The following PPP1R13B variants were observed in gnomAD, a reference collection of about 807,000 sequenced individuals.
PPP1R13B encodes the protein protein phosphatase 1 regulatory subunit 13B.
In PPP1R13B, 44 loss-of-function variants were observed where a neutral mutation model predicts 119.8. The ratio of observed to expected loss-of-function variants is 0.37; its 90% CI spans 0.29 to 0.47. The LOEUF (loss-of-function observed/expected upper bound fraction) is 0.47. Ranked by LOEUF, PPP1R13B falls within the 20% of genes least tolerant of loss-of-function variation. PPP1R13B has a pLI of 0.99. For missense variants in PPP1R13B, 1,227 were observed against 1,413.5 expected (o/e 0.87, Z 2.12); for synonymous variants, 542 against 561.5 (o/e 0.97, Z 0.49).
chr14:103,796,456 C>T (rs2085759342), intron 2 of PPP1R13B, among the ~76,000 whole-genome samples: 1 of 152,132 alleles, frequency 6.6e-6, no homozygotes, highest in Admixed American at 6.6e-5. Flanking sequence ...TGGCTAAACT[C>T]AAGCAGACAG....
intron 1 of PPP1R13B, among the ~76,000 whole-genome samples, chr14:103,839,773 C>A: frequency 6.6e-6 from 1 of 152,198 alleles, no homozygotes; most frequent in Non-Finnish European, 1.5e-5. Context: ...GCCACACAGG[C>A]CTACTTTTGT....
chr14:103,793,057 G>A (rs1459753928), intron 2 of PPP1R13B, among the ~76,000 whole-genome samples: 1 of 144,672 alleles, frequency 6.9e-6, no homozygotes, highest in Non-Finnish European at 1.5e-5. Flanking sequence ...GGGCGACAGG[G>A]CGAGACTCTG....
chr14:103,757,789 C>A (rs747778962), intron 4 of PPP1R13B, 38 bp from the exon 5 acceptor site: 2 of 1,551,906 alleles, frequency 1.3e-6, no homozygotes, highest in Non-Finnish European at 1.8e-6. Flanking sequence ...ATAAGTTTAT[C>A]TGCATAATTG....
At chr14:103,746,681 T>C in intron 8 of PPP1R13B, 128 bp from the exon 9 acceptor site, 1 of 743,158 alleles carries the variant, frequency 1.3e-6, no homozygotes, top group Non-Finnish European at 2.1e-6. Context: ...AAGCCTGTCA[T>C]CTGGAAAGAT....
At chr14:103,743,293 A>T (rs1339337568) in intron 9 of PPP1R13B, among the ~76,000 whole-genome samples, 1 of 152,252 alleles carries the variant, frequency 6.6e-6, no homozygotes, top group Non-Finnish European at 1.5e-5. Context: ...AATTATTGAG[A>T]TAAAAATTTC....
At chr14:103,771,129 C>T (rs565231905) in intron 4 of PPP1R13B, among the ~76,000 whole-genome samples, 1 of 152,236 alleles carries the variant, frequency 6.6e-6, no homozygotes, top group East Asian at 1.9e-4. Flanking sequence ...GAAGGAGAGA[C>T]GGCCCCCTAA....
chr14:103,762,942 G>C, intron 4 of PPP1R13B: 1 of 995,808 alleles, frequency 1.0e-6, no homozygotes, highest in East Asian at 2.6e-5. Context: ...CCCGTCTACA[G>C]TATCTGCTAA....
intron 1 of PPP1R13B, among the ~76,000 whole-genome samples, chr14:103,834,091 C>A (rs1452383376): frequency 6.6e-6 from 1 of 152,140 alleles, no homozygotes; most frequent in Non-Finnish European, 1.5e-5. Flanking sequence ...CAAAGAGGAA[C>A]TGGCTGGGCG....
At chr14:103,796,627 T>C (rs1595785918) in intron 2 of PPP1R13B, among the ~76,000 whole-genome samples, 1 of 152,172 alleles carries the variant, frequency 6.6e-6, no homozygotes, top group African/African-American at 2.4e-5. Context: ...CCTAGGTTTA[T>C]ACTACTAAGA....
At chr14:103,780,763 T>C (rs563980027) in intron 3 of PPP1R13B, among the ~76,000 whole-genome samples, 14 of 150,384 alleles carry the variant, frequency 9.3e-5, no homozygotes, top group African/African-American at 2.9e-4. Flanking sequence ...GCAGCCAAGA[T>C]TGCGCCACTG....
In PPP1R13B at chr14:103,736,400, C is replaced by T. The variant is rs1370369934; in HGVS notation, c.3032-198G>A. 5 of 610,240 alleles carry T rather than the reference C, an allele frequency of 8.2e-6. No individual in the cohort carries two copies. The Admixed American group carries it at 1.4e-4, about 18-fold the overall frequency. The allele number at this position is 610,240 out of a possible 1,614,324, so 37.8% of individuals were successfully genotyped here. On this transcript the variant is annotated intron_variant, in intron 15 of 16. Transcript: ENST00000202556. Reference sequence around the variant, plus strand: ...TCCCCTGCCCGGCCCAGCTGCTGCTCCTGCTGCCGGCCCTTTCTAAGTCCT... The same window carrying T: ...TCCCCTGCCCGGCCCAGCTGCTGCTTCTGCTGCCGGCCCTTTCTAAGTCCT...
At chr14:103,754,982 CTG>C (rs1254241786) in intron 5 of PPP1R13B, among the ~76,000 whole-genome samples, 1 of 152,150 alleles carries the variant, frequency 6.6e-6, no homozygotes, top group African/African-American at 2.4e-5. Context: ...CAGGGTTTCA[CTG>C]TGTTAGCCAG....
rs1348801779 is a variant in PPP1R13B, at chr14:103,734,440, G to T, written c.*714C>A. ...CACTGAGCAGCATGACAGGCTGTGA[G>T]ATCGGAGGAGAAGAGTATATGCTGA... On this transcript the variant is annotated 3_prime_UTR_variant, in exon 17 of 17. Coordinates refer to ENST00000202556, the MANE Select transcript of PPP1R13B (RefSeq NM_015316.3). The T allele has an allele frequency of 1.8e-5, 8 of 443,032 alleles. No individual in the cohort carries two copies. Among genetic ancestry groups the T allele is most frequent in the Non-Finnish European group, 3.7e-5 (8 of 218,912 alleles). The allele number at this position is 443,032 out of a possible 1,614,324, so 27.4% of individuals were successfully genotyped here. A position where few individuals can be genotyped will look rare whatever the true frequency, so the allele number is the denominator to read the frequency against.
At position 103,734,930 on chromosome 14, in the gene PPP1R13B, G is replaced by A. The variant is rs1481871347; in HGVS notation, c.*224C>T. 3.0e-6 allele frequency: 2 copies of A among 676,924 alleles called. No individual in the cohort carries two copies. Among genetic ancestry groups the A allele is most frequent in the African/African-American group, 1.8e-5 (1 of 56,480 alleles). The allele number at this position is 676,924 out of a possible 1,614,324, so 41.9% of individuals were successfully genotyped here. A position where few individuals can be genotyped will look rare whatever the true frequency, so the allele number is the denominator to read the frequency against. On this transcript the variant is annotated 3_prime_UTR_variant, in exon 17 of 17. Coordinates refer to ENST00000202556, the MANE Select transcript of PPP1R13B (RefSeq NM_015316.3). ...GTATTTATTTGGATTTATAGTAATT[G>A]GCAAAATTCAGTCCTTGGAGGCGAA...
chr14:103,826,384 T>C (rs2086542574), intron 1 of PPP1R13B, among the ~76,000 whole-genome samples: 1 of 152,126 alleles, frequency 6.6e-6, no homozygotes, highest in South Asian at 2.1e-4. Flanking sequence ...CAATTCAAAC[T>C]TGAAACCCAC....
chr14:103,742,666 G>A lies in PPP1R13B; in HGVS notation c.1308C>T (p.Pro436=). 1 of 1,613,622 alleles carries A rather than the reference G, an allele frequency of 6.2e-7. No homozygotes were observed. The highest frequency in any genetic ancestry group is 8.5e-7 in the Non-Finnish European group (1 of 1,179,960). The stretch of plus-strand genomic sequence containing the variant: ...GACACAGGCCTACCGGCTTCTCCGT[G>A]GGTCCCAGTGCTGAGAAGGGCACAG... ...SQPVPFSALG[P]TEKPGIEIGK... is the part of the protein sequence containing the mutation. Residue 436 remains proline (P), a synonymous_variant, in exon 10 of 17, where the codon CCC becomes CCT. Coordinates refer to ENST00000202556, the MANE Select transcript of PPP1R13B (RefSeq NM_015316.3). This position sits in a 1 kb window ranked among gnomAD's most constrained non-coding sequence, Gnocchi z 4.9.
At chr14:103,819,506 AACAAACAAAC>A (rs1310890906) in intron 1 of PPP1R13B, among the ~76,000 whole-genome samples, 1 of 149,082 alleles carries the variant, frequency 6.7e-6, no homozygotes, top group Non-Finnish European at 1.5e-5. Context: ...TATTAAAAAA[AACAAACAAAC>A]AAAAAAAAAC....
upstream of PPP1R13B, chr14:103,847,606 C>T: frequency 8.1e-6 from 8 of 986,364 alleles, no homozygotes; most frequent in African/African-American, 1.7e-5. Context: ...GCTCTTCAGC[C>T]CCCGCAGGCC....
chr14:103,813,383 T>G (rs1055372205), intron 1 of PPP1R13B, among the ~76,000 whole-genome samples: 1 of 152,192 alleles, frequency 6.6e-6, no homozygotes, highest in Non-Finnish European at 1.5e-5. Context: ...GGTTTGGCTG[T>G]GCCCCACCCA....
Sources: gnomAD v4.1 joint callset for allele counts (sites outside exome capture counted in the v4.1 genomes callset) on GRCh38, gnomAD v4.1.1 for gene constraint, Gnocchi (gnomAD v3.1) non-coding constraint, MANE v1.5 for transcripts, NCBI Gene and HGNC (gene_info 2026-07-23, HGNC 2026-07-21) for gene names.